The following ELAPOR2 variants were observed in gnomAD, a reference collection of about 807,000 sequenced individuals.
ELAPOR2 encodes the protein endosome/lysosome-associated apoptosis and autophagy regulator family member 2.
A neutral mutation model predicts 120.7 loss-of-function variants in ELAPOR2; 89 were observed. That is an observed-to-expected ratio of 0.74 (90% CI 0.62 to 0.88). ELAPOR2 has a LOEUF of 0.88. ELAPOR2 is among the 40% of genes least tolerant of loss of function. The pLI is 0.00. For synonymous variants in ELAPOR2, 444 were observed against 444.9 expected (o/e 1.00, Z 0.03); for missense variants, 1,134 against 1,251.6 (o/e 0.91, Z 1.42).
Position 87,059,421 on chromosome 7 carries a change from G to A in ELAPOR2, c.93C>T (p.Pro31=), listed in dbSNP as rs1001800821. 6 of 1,237,422 alleles carry A rather than the reference G, an allele frequency of 4.8e-6. No homozygotes were observed. Among genetic ancestry groups the A allele is most frequent in the African/African-American group, 1.6e-5 (1 of 64,220 alleles). The allele number at this position is 1,237,422 out of a possible 1,614,324, so 76.7% of individuals were successfully genotyped here. ...CGAGCGCCCAGCAGCAAATCCAGGC[G>A]GGGCTCCAGGGCGGCGAGCGCCCGC... ...PRRGRSPPWS[P]AWICCWALAG... The change falls in exon 1 of 22, where the codon CCC becomes CCT. Residue 31 remains proline, a synonymous_variant. Coordinates refer to ENST00000450689, the MANE Select transcript of ELAPOR2 (RefSeq NM_001142749.3).
rs1794224204 is a variant in ELAPOR2 at position 87,025,785 on chromosome 7, A to T, written c.189+33540T>A. Among the ~76,000 whole-genome samples the T allele has an allele frequency of 2.6e-5, 4 of 152,172 alleles. No homozygotes were observed. The South Asian group carries it at 8.3e-4, about 31-fold the overall frequency. ...ATTTAAAACATTTCAAGTAAAATCA[A>T]ATTTGAGCATAATTCTTCAAAATTC... On this transcript the variant is annotated intron_variant, in intron 1 of 21. Transcript: ENST00000450689.
At chr7:86,907,522 C>T (rs1562911999) in intron 18 of ELAPOR2, 148 bp downstream of exon 18, 11 of 563,554 alleles carry the variant, frequency 2.0e-5, no homozygotes, top group Non-Finnish European at 2.7e-5. Flanking sequence ...ACACACTCAG[C>T]ACATTCCCTA....
intron 1 of ELAPOR2, among the ~76,000 whole-genome samples, chr7:86,982,395 G>A (rs1792534521): frequency 1.3e-5 from 2 of 152,222 alleles, no homozygotes; most frequent in South Asian, 4.1e-4. Context: ...CTTACTGGGA[G>A]ATACCTCCCA....
intron 18 of ELAPOR2, among the ~76,000 whole-genome samples, chr7:86,905,070 A>AAGGAAG (rs1361156377): frequency 2.0e-5 from 2 of 98,148 alleles, no homozygotes; most frequent in Non-Finnish European, 4.0e-5. Flanking sequence ...ACAGAGAGAG[A>AAGGAAG]GAAGGAAGGA....
intron 1 of ELAPOR2, among the ~76,000 whole-genome samples, chr7:87,050,679 A>C (rs545524886): frequency 1.3e-5 from 2 of 152,312 alleles, no homozygotes; most frequent in African/African-American, 4.8e-5. Flanking sequence ...TGAACAAAAG[A>C]ATAACAGTTT....
chr7:86,941,635 T>C (rs1253095649), intron 5 of ELAPOR2, among the ~76,000 whole-genome samples: 1 of 152,054 alleles, frequency 6.6e-6, no homozygotes, highest in Non-Finnish European at 1.5e-5. Flanking sequence ...ACTAATTCGA[T>C]CACATATGAC....
At chr7:86,880,856 C>T (rs1032204623) in intron 21 of ELAPOR2, among the ~76,000 whole-genome samples, 1 of 151,332 alleles carries the variant, frequency 6.6e-6, no homozygotes, top group Non-Finnish European at 1.5e-5. Context: ...GACCTGAGTG[C>T]TGAAATCAAT....
At chr7:86,927,982 T>A (rs1176000000) in intron 8 of ELAPOR2, among the ~76,000 whole-genome samples, 1 of 152,034 alleles carries the variant, frequency 6.6e-6, no homozygotes, top group Non-Finnish European at 1.5e-5. Flanking sequence ...GAAAATCATG[T>A]ATAATAACTC....
At chr7:86,940,787 A>G (rs553811366) in intron 5 of ELAPOR2, among the ~76,000 whole-genome samples, 106 of 152,194 alleles carry the variant, frequency 7.0e-4, no homozygotes, top group African/African-American at 2.5e-3. Context: ...TTATTCTTCT[A>G]TACAGTCTCT....
At chr7:87,042,575 A>C (rs1794820240) in intron 1 of ELAPOR2, among the ~76,000 whole-genome samples, 1 of 152,112 alleles carries the variant, frequency 6.6e-6, no homozygotes, top group African/African-American at 2.4e-5. Context: ...GAACAAAGAC[A>C]CAACATACCA....
chr7:86,897,991 G>A, intron 18 of ELAPOR2, among the ~76,000 whole-genome samples: 1 of 152,046 alleles, frequency 6.6e-6, no homozygotes. Context: ...TCAGTCCTAG[G>A]TATAAACCCA....
At chr7:86,883,023 G>GGGGT (rs372912079) in intron 21 of ELAPOR2, among the ~76,000 whole-genome samples, 1 of 141,452 alleles carries the variant, frequency 7.1e-6, no homozygotes, top group African/African-American at 2.6e-5. Context: ...GTTTGAAAGG[G>GGGGT]GTGTGTGTGT....
rs960555840 is a variant in ELAPOR2, at chr7:86,926,628, A to G, written c.1270+108T>C. On this transcript the variant is annotated intron_variant, in intron 9 of 21. Transcript: ENST00000450689. ...TGCAATTTTTGTCTACTAAAACTAA[A>G]AGAAATTCTGTAACCACTTTCCATA... 2.6e-6 allele frequency: 3 copies of G among 1,157,202 alleles called. No homozygotes were observed. The African/African-American group carries it at 4.7e-5, about 18-fold the overall frequency. 71.7% of individuals were successfully genotyped at this position (1,157,202 alleles called of 1,614,324 possible).
In ELAPOR2 at chr7:86,907,903, T is replaced by C. The variant is rs1427250531; in HGVS notation, c.2457-132A>G. On this transcript the variant is annotated intron_variant, in intron 17 of 21. Coordinates refer to ENST00000450689, the MANE Select transcript of ELAPOR2 (RefSeq NM_001142749.3). ...AAATGTATTAAAGTTCACTAATTTG[T>C]AATTTTAATACAAATTCAGCTCATT... 8.9e-5 allele frequency: 42 copies of C among 470,840 alleles called. No individual in the cohort carries two copies. In the East Asian group the frequency reaches 1.4e-3, roughly 16 times the overall value. The allele number at this position is 470,840 out of a possible 1,614,324, so 29.2% of individuals were successfully genotyped here. A position where few individuals can be genotyped will look rare whatever the true frequency, so the allele number is the denominator to read the frequency against.
At position 86,947,871 on chromosome 7, in the gene ELAPOR2, C is replaced by T. The variant is rs1176256259; in HGVS notation, c.362G>A (p.Ser121Asn). Residue 121 changes from serine (S) to asparagine (N), a missense_variant, in exon 3 of 22, where the codon AGT becomes AAT. By Grantham distance (46) the Ser-to-Asn change is conservative. This residue lies in a region of ELAPOR2 where 280 missense variants were observed against 331.5 expected (regional missense o/e 0.84). Coordinates refer to ENST00000450689, the MANE Select transcript of ELAPOR2 (RefSeq NM_001142749.3). ...EYLEMKNQVC[S>N]KCGEGTYSLG... Reference sequence around the variant, plus strand: ...GGAATAGGTGCCTTCACCACACTTACTGCATACCTGGTTCTTCATTTCTAG... The same window carrying T: ...GGAATAGGTGCCTTCACCACACTTATTGCATACCTGGTTCTTCATTTCTAG... The T allele has an allele frequency of 1.1e-5, 17 of 1,552,114 alleles. No homozygotes were observed. Among genetic ancestry groups the T allele is most frequent in the African/African-American group, 8.2e-5 (6 of 73,052 alleles).
intron 21 of ELAPOR2, among the ~76,000 whole-genome samples, chr7:86,890,195 A>C (rs868733369): frequency 6.6e-6 from 1 of 151,936 alleles, no homozygotes. Flanking sequence ...TCATTTCTGT[A>C]CATCTTAAAA....
intron 1 of ELAPOR2, among the ~76,000 whole-genome samples, chr7:87,040,199 C>T (rs1311278261): frequency 2.6e-5 from 4 of 152,230 alleles, no homozygotes; most frequent in Non-Finnish European, 5.9e-5. Context: ...GGGGGAGAGG[C>T]GCCCGCCATT....
intron 4 of ELAPOR2, 124 bp from the exon 5 acceptor site, chr7:86,942,228 C>A (rs1790829735): frequency 1.9e-6 from 1 of 540,246 alleles, no homozygotes; most frequent in East Asian, 3.0e-5. Context: ...ATGAGTAATT[C>A]TCAATAAGTA....
chr7:87,025,813 C>T (rs1794224788), intron 1 of ELAPOR2, among the ~76,000 whole-genome samples: 1 of 151,982 alleles, frequency 6.6e-6, no homozygotes, highest in Non-Finnish European at 1.5e-5. Context: ...CAAAATTCCT[C>T]AACATGTTAG....
Sources: allele counts gnomAD v4.1 joint callset (sites outside exome capture counted in the v4.1 genomes callset), GRCh38; gene constraint gnomAD v4.1.1; regional missense constraint gnomAD v4.1.1; transcripts MANE v1.5; gene names NCBI Gene and HGNC (gene_info 2026-07-23, HGNC 2026-07-21).